The following FXYD1 variants were observed in gnomAD, a reference collection of about 807,000 sequenced individuals.
FXYD1 encodes the protein FXYD domain containing ion transport regulator 1, also known as phospholemman.
Under a neutral mutation model 17.2 loss-of-function variants are expected in FXYD1, and 9 were observed. The observed-to-expected ratio is 0.52, with a 90% CI of 0.32 to 0.91. The LOEUF is 0.91. FXYD1 is among the 40% of genes least tolerant of loss of function. The pLI, the probability that FXYD1 is intolerant of heterozygous loss-of-function variation, is 0.04. For synonymous variants in FXYD1, 55 were observed against 45.8 expected, an observed-to-expected ratio of 1.20 and a Z score of -0.81; for missense variants, 113 against 120.6, an observed-to-expected ratio of 0.94 and a Z score of 0.29.
chr19:35,139,875 T>TC (rs755883227), intron 1 of FXYD1: 26 of 567,256 alleles, frequency 4.6e-5, no homozygotes, highest in Non-Finnish European at 7.4e-5. Flanking sequence ...TGTTGTGTGA[T>TC]CCCATCGTGG....
At chr19:35,142,344 G>A (rs1245497207) in intron 5 of FXYD1, 128 bp from the exon 6 acceptor site, 5 of 715,702 alleles carry the variant, frequency 7.0e-6, no homozygotes, top group Non-Finnish European at 1.2e-5. Context: ...CGGACCCCGA[G>A]CCTGCTCTTC....
intron 3 of FXYD1, 153 bp from the exon 4 acceptor site, chr19:35,140,979 T>TTCC (rs2065246402): frequency 2.2e-6 from 1 of 455,970 alleles, no homozygotes; most frequent in Admixed American, 3.1e-5. Context: ...GTACCCCACT[T>TTCC]TCCTCCTCCC....
chr19:35,139,902 A>G, intron 1 of FXYD1, 174 bp from the exon 2 acceptor site: 2 of 600,846 alleles, frequency 3.3e-6, no homozygotes, highest in African/African-American at 3.7e-5. Context: ...TTTTGGTGAC[A>G]CTGTGTCCCC....
At chr19:35,141,303 C>T (rs866704306) in intron 4 of FXYD1, 97 bp downstream of exon 4, 1 of 297,430 alleles carries the variant, frequency 3.4e-6, no homozygotes. Flanking sequence ...CCTAGCCCCC[C>T]TCTCCCTGGC....
chr19:35,139,990 G>A (rs1358263385), intron 1 of FXYD1, 86 bp from the exon 2 acceptor site: 4 of 1,170,064 alleles, frequency 3.4e-6, no homozygotes, highest in Non-Finnish European at 5.1e-6. Flanking sequence ...TCAGTCCCCA[G>A]ACTGTCTCTG....
chr19:35,142,348 G>A (rs2065264536), intron 5 of FXYD1, 124 bp from the exon 6 acceptor site: 2 of 730,316 alleles, frequency 2.7e-6, no homozygotes, highest in African/African-American at 1.8e-5. Flanking sequence ...CCCCGAGCCT[G>A]CTCTTCGTCC....
In FXYD1 at chr19:35,142,897, C is replaced by A. The variant is rs1172437894; in HGVS notation, c.*30-20C>A. On this transcript the variant is annotated intron_variant, in intron 7 of 7. Coordinates refer to ENST00000351325, the MANE Select transcript of FXYD1 (RefSeq NM_021902.4). ...GGGCTGGACGTCCCCCCTCGCCTCT[C>A]ACCCTTTTCACCCTCACAGGACTCC... The A allele has an allele frequency of 2.9e-6, 2 of 695,346 alleles. No homozygotes were observed. Among genetic ancestry groups the A allele is most frequent in the Non-Finnish European group, 5.2e-6 (2 of 387,188 alleles). 43.1% of individuals were successfully genotyped at this position (695,346 alleles called of 1,614,324 possible).
At chr19:35,141,620 G>A (rs750873082) in intron 5 of FXYD1, 48 bp downstream of exon 5, 11 of 1,538,468 alleles carry the variant, frequency 7.1e-6, no homozygotes, top group Non-Finnish European at 9.8e-6. Context: ...GCTCTGGAGG[G>A]CGCCGCGGGT....
intron 5 of FXYD1, 152 bp downstream of exon 5, chr19:35,141,724 G>T: frequency 1.6e-6 from 1 of 636,286 alleles, no homozygotes; most frequent in South Asian, 2.2e-5. Context: ...CTGGCCCTGG[G>T]ACCAAGCGAG....
rs1456053927 is a variant in FXYD1, at chr19:35,141,602, C to T, written c.206+30C>T. 4 of 1,593,488 alleles carry T rather than the reference C, an allele frequency of 2.5e-6. No homozygotes were observed. In the East Asian group the frequency reaches 6.7e-5, roughly 27 times the overall value. ...GACGCCCCTCCCCGCCCTCCTTCGC[C>T]CGCTCCTGCTCTGGAGGGCGCCGCG... is the stretch of plus-strand genomic sequence containing the variant. On this transcript the variant is annotated intron_variant, in intron 5 of 7. Coordinates refer to ENST00000351325, the MANE Select transcript of FXYD1 (RefSeq NM_021902.4).
At chr19:35,140,904 T>TC (rs1312879514) in intron 3 of FXYD1, 3 of 579,314 alleles carry the variant, frequency 5.2e-6, no homozygotes, top group Non-Finnish European at 6.1e-6. Flanking sequence ...CCGTCTTCTC[T>TC]CCCCCCTGTC....
At chr19:35,139,795 CG>C in intron 1 of FXYD1, 1 of 377,474 alleles carries the variant, frequency 2.6e-6, no homozygotes, top group South Asian at 3.2e-5. Context: ...GGGCCTGCTG[CG>C]GGAGGTGGAG....
At chr19:35,139,992 C>T (rs1195500306) in intron 1 of FXYD1, 84 bp from the exon 2 acceptor site, 1 of 1,182,966 alleles carries the variant, frequency 8.5e-7, no homozygotes. Context: ...AGTCCCCAGA[C>T]TGTCTCTGAC....
intron 5 of FXYD1, among the ~76,000 whole-genome samples, chr19:35,141,885 A>T (rs1162214757): frequency 6.6e-6 from 1 of 152,260 alleles, no homozygotes; most frequent in Non-Finnish European, 1.5e-5. Context: ...ATCATCTCAC[A>T]CGCGGCCCAG....
At chr19:35,138,466 C>A (rs1362791816), upstream of FXYD1, 1 of 152,252 alleles carries the variant, frequency 6.6e-6, no homozygotes, top group Non-Finnish European at 1.5e-5. Context: ...GGTCAGTGGG[C>A]TCCTGGGCAG....
chr19:35,141,750 C>T (rs886916898), intron 5 of FXYD1, among the ~76,000 whole-genome samples, 178 bp downstream of exon 5: 18 of 152,230 alleles, frequency 1.2e-4, no homozygotes, highest in African/African-American at 4.3e-4. Context: ...AACCTCCCGC[C>T]CTTCCTGGCC....
chr19:35,142,767 G>T lies in FXYD1; in HGVS notation c.*25G>T, dbSNP rs754736922. 1.1e-4 allele frequency: 176 copies of T among 1,609,698 alleles called. No individual in the cohort carries two copies. Among genetic ancestry groups the T allele is most frequent in the Non-Finnish European group, 1.4e-4 (163 of 1,176,566 alleles). On this transcript the variant is annotated 3_prime_UTR_variant, in exon 7 of 8. Transcript: ENST00000351325. ...GAAACACCTGGAGCGATGGAATCCG[G>T]CCAGGTGCTGCAGCTCTGACACGGC...
intron 1 of FXYD1, 24 bp from the exon 2 acceptor site, chr19:35,140,052 C>T (rs771774383): frequency 2.1e-5 from 33 of 1,608,518 alleles, no homozygotes; most frequent in Admixed American, 1.2e-4. Context: ...GCACACACTG[C>T]CTAATCCGTG....
rs753170408 is a variant in FXYD1, at chr19:35,142,707, G to A, written c.257-13G>A. ...CTCTCCAGAATGACCCCCGATCTCCGTGTTCCCCCCAGGTCTGTCCACCCG... is the reference window on the plus strand; with the variant it reads ...CTCTCCAGAATGACCCCCGATCTCCATGTTCCCCCCAGGTCTGTCCACCCG... On this transcript the variant is annotated splice_polypyrimidine_tract_variant and intron_variant, in intron 6 of 7. Coordinates refer to ENST00000351325, the MANE Select transcript of FXYD1 (RefSeq NM_021902.4). The A allele has an allele frequency of 1.2e-6, 2 of 1,613,394 alleles. No individual in the cohort carries two copies. Among genetic ancestry groups the A allele is most frequent in the South Asian group, 1.1e-5 (1 of 91,042 alleles).
Sources: allele counts gnomAD v4.1 joint callset (sites outside exome capture counted in the v4.1 genomes callset), GRCh38; gene constraint gnomAD v4.1.1; transcripts MANE v1.5; gene names NCBI Gene and HGNC (gene_info 2026-07-23, HGNC 2026-07-21).